CACNA2D3: variants seen among roughly 807,000 people sequenced by gnomAD.
CACNA2D3 encodes calcium voltage-gated channel auxiliary subunit alpha2delta 3, also known as voltage-dependent calcium channel subunit alpha-2/delta-3.
CACNA2D3 carries 60 observed loss-of-function variants against 160.6 expected under a neutral mutation model. The ratio of observed to expected loss-of-function variants is 0.37; its 90% CI spans 0.30 to 0.46. The LOEUF (loss-of-function observed/expected upper bound fraction) is 0.46, where lower values mean the gene tolerates loss of function less well. Ranked by LOEUF, CACNA2D3 falls within the 20% of genes least tolerant of loss-of-function variation. The pLI is 1.00. For synonymous variants in CACNA2D3, 558 were observed against 492.9 expected (o/e 1.13, Z -1.75); for missense variants, 1,205 against 1,365.0 (o/e 0.88, Z 1.85).
chr3:54,664,522 G>A (rs1466359646), intron 11 of CACNA2D3, among the ~76,000 whole-genome samples: 1 of 152,228 alleles, frequency 6.6e-6, no homozygotes, highest in Non-Finnish European at 1.5e-5. Flanking sequence ...TTATCCAGGA[G>A]TAACTTGGTC....
chr3:54,407,951 C>A (rs1699604772), intron 4 of CACNA2D3, among the ~76,000 whole-genome samples: 1 of 152,146 alleles, frequency 6.6e-6, no homozygotes, highest in Admixed American at 6.6e-5. Flanking sequence ...ATCCACCTCA[C>A]ATACTATGAT....
chr3:54,323,238 G>C (rs1250546560), intron 3 of CACNA2D3, among the ~76,000 whole-genome samples: 1 of 152,142 alleles, frequency 6.6e-6, no homozygotes, highest in Non-Finnish European at 1.5e-5. Flanking sequence ...ATGATACCTT[G>C]ATTCTCCATT....
At chr3:55,008,886 T>TACACACACACACACACAC (rs1491125549) in intron 33 of CACNA2D3, among the ~76,000 whole-genome samples, 34 of 53,350 alleles carry the variant, frequency 6.4e-4, no homozygotes, top group East Asian at 5.0e-3. Flanking sequence ...CACCTCCCTC[T>TACACACACACACACACAC]ATACACACAC....
chr3:54,970,097 G>A (rs911563825), intron 29 of CACNA2D3, among the ~76,000 whole-genome samples: 5 of 151,700 alleles, frequency 3.3e-5, no homozygotes, highest in Non-Finnish European at 7.4e-5. Context: ...TTGACATTTT[G>A]TAGGAAATAA....
At chr3:54,526,980 C>A (rs542530059) in intron 5 of CACNA2D3, among the ~76,000 whole-genome samples, 32 of 152,326 alleles carry the variant, frequency 2.1e-4, no homozygotes, top group Middle Eastern at 3.4e-3. Flanking sequence ...TGTGAGCCAC[C>A]ACGTGGGGCC....
chr3:54,673,142 A>G (rs1431724546), intron 11 of CACNA2D3, among the ~76,000 whole-genome samples: 1 of 152,218 alleles, frequency 6.6e-6, no homozygotes, highest in Non-Finnish European at 1.5e-5. Flanking sequence ...TTCTGTCTTT[A>G]ACAGCTGTGT....
chr3:54,471,758 G>T (rs1381242840), intron 4 of CACNA2D3, among the ~76,000 whole-genome samples: 1 of 152,094 alleles, frequency 6.6e-6, no homozygotes, highest in Non-Finnish European at 1.5e-5. Flanking sequence ...TACCATCAGA[G>T]AATATTATAA....
intron 5 of CACNA2D3, among the ~76,000 whole-genome samples, chr3:54,506,362 C>T (rs908596132): frequency 6.6e-6 from 1 of 152,154 alleles, no homozygotes; most frequent in Non-Finnish European, 1.5e-5. Context: ...CTCCTAGCTG[C>T]TTGGACTTCT....
intron 27 of CACNA2D3, among the ~76,000 whole-genome samples, chr3:54,953,383 C>T (rs762513684): frequency 1.3e-5 from 2 of 152,058 alleles, no homozygotes; most frequent in African/African-American, 4.8e-5. Flanking sequence ...TGGTGGGGCC[C>T]GGTAACACTA....
chr3:54,246,167 G>GA (rs1702072100), intron 2 of CACNA2D3, among the ~76,000 whole-genome samples: 3 of 152,130 alleles, frequency 2.0e-5, no homozygotes, highest in Non-Finnish European at 4.4e-5. Flanking sequence ...TGGCTCGAAG[G>GA]AAAAATATTC....
intron 14 of CACNA2D3, among the ~76,000 whole-genome samples, chr3:54,827,094 G>T (rs1371827524): frequency 6.6e-6 from 1 of 152,172 alleles, no homozygotes; most frequent in African/African-American, 2.4e-5. Flanking sequence ...CATGGCATTT[G>T]TCTTTGCACC....
chr3:54,948,047 G>A (rs1416645036), intron 27 of CACNA2D3, among the ~76,000 whole-genome samples: 1 of 152,112 alleles, frequency 6.6e-6, no homozygotes, highest in Non-Finnish European at 1.5e-5. Flanking sequence ...TTCAATACAG[G>A]GCAGACCTTC....
chr3:55,073,934 A>G (rs1704881295), intron 37 of CACNA2D3, 75 bp downstream of exon 37: 1 of 1,290,514 alleles, frequency 7.7e-7, no homozygotes, highest in Non-Finnish European at 1.1e-6. Flanking sequence ...TCAAAGAACT[A>G]CAGCTGAAAA....
intron 27 of CACNA2D3, among the ~76,000 whole-genome samples, chr3:54,951,088 A>G (rs1211572953): frequency 1.3e-5 from 2 of 152,240 alleles, no homozygotes; most frequent in African/African-American, 2.4e-5. Context: ...AAAAAAATCT[A>G]CAGAACGCTC....
chr3:54,244,501 C>T (rs541976993), intron 2 of CACNA2D3, among the ~76,000 whole-genome samples: 1 of 152,166 alleles, frequency 6.6e-6, no homozygotes, highest in Non-Finnish European at 1.5e-5. Context: ...GAGGAGTTCC[C>T]TGTGGCAGGA....
Position 54,885,339 on chromosome 3 carries a change from C to T in CACNA2D3, c.1958+13C>T. The T allele has an allele frequency of 6.2e-7, 1 of 1,613,824 alleles. No individual in the cohort carries two copies. The highest frequency in any genetic ancestry group is 8.5e-7 in the Non-Finnish European group (1 of 1,179,742). On this transcript the variant is annotated intron_variant, in intron 22 of 37. Transcript: ENST00000474759. ...TGGCAGATGAATGGTAAGAATTAAA[C>T]CATCCCTCCTTGACCATGGCATCCT...
chr3:55,020,291 G>A (rs1703417982), intron 35 of CACNA2D3, among the ~76,000 whole-genome samples: 1 of 148,926 alleles, frequency 6.7e-6, no homozygotes, highest in Non-Finnish European at 1.5e-5. Context: ...ATTCTGATAG[G>A]GTTTTTATAT....
chr3:54,724,891 G>A (rs559344644), intron 11 of CACNA2D3, among the ~76,000 whole-genome samples: 3 of 152,116 alleles, frequency 2.0e-5, no homozygotes, highest in Admixed American at 6.5e-5. Flanking sequence ...TCAAAATCTA[G>A]CAGAAGACAG....
At chr3:54,523,656 T>C (rs1050021202) in intron 5 of CACNA2D3, among the ~76,000 whole-genome samples, 2 of 152,124 alleles carry the variant, frequency 1.3e-5, no homozygotes, top group African/African-American at 4.8e-5. Flanking sequence ...TCTTTTTGGA[T>C]AGCTTTTTAA....
Sources: allele counts gnomAD v4.1 joint callset (sites outside exome capture counted in the v4.1 genomes callset), GRCh38; gene constraint gnomAD v4.1.1; transcripts MANE v1.5; gene names NCBI Gene and HGNC (gene_info 2026-07-23, HGNC 2026-07-21).